Variants in TSPEAR observed in about 807,000 individuals in gnomAD.
TSPEAR encodes the protein thrombospondin type laminin G domain and EAR repeats.
In TSPEAR, 69 loss-of-function variants were observed where a neutral mutation model predicts 71.6. That is an observed-to-expected ratio of 0.96 (90% CI 0.79 to 1.18). The LOEUF (loss-of-function observed/expected upper bound fraction) is 1.18, where lower values mean the gene tolerates loss of function less well. Among genes scored for constraint, TSPEAR ranks in the 50% most tolerant of loss-of-function variants. TSPEAR has a pLI of 0.00. For missense variants in TSPEAR, 971 were observed against 894.9 expected (o/e 1.09, Z -1.09); for synonymous variants, 402 against 387.2 (o/e 1.04, Z -0.45).
intron 1 of TSPEAR, among the ~76,000 whole-genome samples, chr21:44,616,149 T>C (rs1015384812): frequency 2.0e-5 from 3 of 152,152 alleles, no homozygotes; most frequent in African/African-American, 7.2e-5. Flanking sequence ...CACACATGCT[T>C]AGGCTCTCAG....
chr21:44,530,684 C>G (rs2052951023), intron 4 of TSPEAR, among the ~76,000 whole-genome samples: 2 of 152,256 alleles, frequency 1.3e-5, no homozygotes, highest in South Asian at 4.1e-4. Context: ...GGTCCCCACT[C>G]ACACGTGAGT....
intron 1 of TSPEAR, among the ~76,000 whole-genome samples, chr21:44,590,540 G>A (rs1555926354): frequency 6.6e-6 from 1 of 152,178 alleles, no homozygotes; most frequent in African/African-American, 2.4e-5. Flanking sequence ...GGGTATTCCA[G>A]AACCCCACGA....
intron 1 of TSPEAR, among the ~76,000 whole-genome samples, chr21:44,622,247 C>T (rs78663008): frequency 0.02 from 3,006 of 152,200 alleles, 44 homozygotes; most frequent in Non-Finnish European, 0.028. Context: ...TGGGGCTTTG[C>T]TGATACGTTT....
At chr21:44,517,673 C>T (rs1236233896) in intron 9 of TSPEAR, 1 of 438,122 alleles carries the variant, frequency 2.3e-6, no homozygotes, top group Non-Finnish European at 4.7e-6. Flanking sequence ...TGGCAGGAAG[C>T]CACTGACATG....
At chr21:44,558,357 C>A (rs1321830446) in intron 2 of TSPEAR, 10 of 1,612,688 alleles carry the variant, frequency 6.2e-6, no homozygotes, top group Non-Finnish European at 8.5e-6. Flanking sequence ...GATGGGCTTG[C>A]AGCAGACAGG....
At chr21:44,569,780 A>G (rs1030754900) in intron 1 of TSPEAR, among the ~76,000 whole-genome samples, 1 of 152,086 alleles carries the variant, frequency 6.6e-6, no homozygotes, top group Non-Finnish European at 1.5e-5. Context: ...GTCTGTGTAC[A>G]GGGACCACCC....
chr21:44,553,765 G>T (rs1420283633), intron 2 of TSPEAR, among the ~76,000 whole-genome samples: 1 of 152,080 alleles, frequency 6.6e-6, no homozygotes, highest in African/African-American at 2.4e-5. Context: ...GAAGACCTAA[G>T]AACAGGCCTC....
intron 11 of TSPEAR, 150 bp from the exon 12 acceptor site, chr21:44,500,086 C>T (rs2052000894): frequency 4.0e-6 from 3 of 757,300 alleles, no homozygotes; most frequent in Non-Finnish European, 6.0e-6. Flanking sequence ...GTGGGGAGAT[C>T]GATTCTGGGC....
intron 1 of TSPEAR, among the ~76,000 whole-genome samples, chr21:44,698,878 C>T (rs1398434995): frequency 6.6e-6 from 1 of 152,146 alleles, no homozygotes; most frequent in Non-Finnish European, 1.5e-5. Context: ...AAGCTCCAGC[C>T]GGGGCAACAG....
chr21:44,556,909 C>G (rs1051922112), intron 2 of TSPEAR, among the ~76,000 whole-genome samples: 1 of 152,158 alleles, frequency 6.6e-6, no homozygotes, highest in Admixed American at 6.5e-5. Flanking sequence ...CCGGCCACCT[C>G]GTGAAAGCTT....
chr21:44,685,687 C>G (rs1170888575), intron 1 of TSPEAR, among the ~76,000 whole-genome samples: 28 of 151,830 alleles, frequency 1.8e-4, no homozygotes, highest in South Asian at 1.7e-3. Flanking sequence ...TTCTCTGTCC[C>G]AGCTGGTTCA....
intron 1 of TSPEAR, chr21:44,627,066 T>A: frequency 6.5e-7 from 1 of 1,527,272 alleles, no homozygotes; most frequent in Non-Finnish European, 8.9e-7. Context: ...AGGAGGGGTA[T>A]AAAAGCCTGA....
At chr21:44,621,890 A>C (rs1982460798) in intron 1 of TSPEAR, among the ~76,000 whole-genome samples, 1 of 151,660 alleles carries the variant, frequency 6.6e-6, no homozygotes, top group Non-Finnish European at 1.5e-5. Flanking sequence ...CAATACATAG[A>C]CTCCTCTCAT....
chr21:44,509,813 C>G (rs1342949473), intron 9 of TSPEAR: 4 of 217,744 alleles, frequency 1.8e-5, no homozygotes, highest in South Asian at 6.6e-5. Flanking sequence ...CATGCCTTCT[C>G]CTACTCCAGG....
In TSPEAR at chr21:44,499,782, C is replaced by T; in HGVS notation, c.*1G>A. 1 of 1,562,312 alleles carries T rather than the reference C, an allele frequency of 6.4e-7. No homozygotes were observed. The highest frequency in any genetic ancestry group is 8.7e-7 in the Non-Finnish European group (1 of 1,154,946). The stretch of plus-strand genomic sequence containing the variant: ...CCAGTTGCTGCCGGGCAGCCGCGGC[C>T]TCAGCGTGTCCTCAGCCGCAGGACC... On this transcript the variant is annotated 3_prime_UTR_variant, in exon 12 of 12. Transcript: ENST00000323084.
chr21:44,658,211 C>T (rs1264672015), intron 1 of TSPEAR: 2 of 1,613,858 alleles, frequency 1.2e-6, no homozygotes, highest in Admixed American at 1.7e-5. Flanking sequence ...GTGCTGCCAG[C>T]CCCCCTGCAC....
intron 1 of TSPEAR, among the ~76,000 whole-genome samples, chr21:44,634,473 A>G (rs1555936254): frequency 6.6e-6 from 1 of 152,216 alleles, no homozygotes. Flanking sequence ...CAAAAGGAAA[A>G]AATAGATAAA....
At chr21:44,580,440 C>T (rs1447332094) in intron 1 of TSPEAR, 2 of 1,613,122 alleles carry the variant, frequency 1.2e-6, no homozygotes, top group Non-Finnish European at 1.7e-6. Flanking sequence ...GGGCTGGACA[C>T]ACAGCTCACT....
chr21:44,534,614 C>G (rs2053056652), intron 2 of TSPEAR, among the ~76,000 whole-genome samples: 2 of 152,056 alleles, frequency 1.3e-5, no homozygotes, highest in African/African-American at 4.8e-5. Context: ...ACTAGGATGG[C>G]TAATGCCCAA....
Sources: gnomAD v4.1 joint callset for allele counts (sites outside exome capture counted in the v4.1 genomes callset) on GRCh38, gnomAD v4.1.1 for gene constraint, MANE v1.5 for transcripts, NCBI Gene and HGNC (gene_info 2026-07-23, HGNC 2026-07-21) for gene names.